Variants in CAMK2B observed in about 807,000 individuals in gnomAD.
CAMK2B encodes calcium/calmodulin-dependent protein kinase type II subunit beta.
CAMK2B carries 27 observed loss-of-function variants against 93.7 expected under a neutral mutation model. The ratio of observed to expected loss-of-function variants is 0.29; its 90% confidence interval spans 0.21 to 0.40. The LOEUF (loss-of-function observed/expected upper bound fraction) is 0.40, where lower values mean the gene tolerates loss of function less well. Ranked by LOEUF, CAMK2B falls within the 10% of genes least tolerant of loss-of-function variation. The probability of loss-of-function intolerance (pLI) is 1.00; values close to 1 mark genes in which losing one functional copy is unlikely to be tolerated. For missense variants in CAMK2B, 568 were observed against 895.8 expected, an observed-to-expected ratio of 0.63 and a Z score of 4.67; for synonymous variants, 374 against 358.8, an observed-to-expected ratio of 1.04 and a Z score of -0.48.
chr7:44,255,063 C>G (rs1335619499), intron 4 of CAMK2B, among the ~76,000 whole-genome samples: 1 of 152,050 alleles, frequency 6.6e-6, no homozygotes, highest in Non-Finnish European at 1.5e-5. Flanking sequence ...TTCCCCTCCT[C>G]AATACTCTCC....
rs528644962 is a variant in CAMK2B, at chr7:44,269,894, C to T, written c.161-6830G>A. On this transcript the variant is annotated intron_variant, in intron 2 of 23. Coordinates refer to ENST00000395749, the MANE Select transcript of CAMK2B (RefSeq NM_001220.5). The stretch of plus-strand genomic sequence containing the variant: ...GGTCTGAGGGCTGAGGGGTGGGGCT[C>T]CCTAGGTGCCATGAGTCCTGCCCAC... 2.0e-5 allele frequency among the ~76,000 whole-genome samples: 3 copies of T among 152,192 alleles called. No individual in the cohort carries two copies. The South Asian group carries it at 6.2e-4, about 32-fold the overall frequency.
chr7:44,280,892 G>A (rs1052686817), intron 2 of CAMK2B, among the ~76,000 whole-genome samples: 1 of 152,186 alleles, frequency 6.6e-6, no homozygotes, highest in Admixed American at 6.5e-5. Context: ...ACAGAGAAAC[G>A]AGGCAGGGAT....
chr7:44,272,769 G>T (rs1352175356), intron 2 of CAMK2B, among the ~76,000 whole-genome samples: 1 of 152,080 alleles, frequency 6.6e-6, no homozygotes, highest in Non-Finnish European at 1.5e-5. Context: ...GCTACACACT[G>T]GGGGGTCCAC....
intron 2 of CAMK2B, among the ~76,000 whole-genome samples, chr7:44,277,897 T>G (rs920769512): frequency 6.6e-6 from 1 of 152,150 alleles, no homozygotes; most frequent in Non-Finnish European, 1.5e-5. Flanking sequence ...AAGGCCATTT[T>G]GGGGAAGCCC....
chr7:44,253,203 T>G (rs925965382), intron 5 of CAMK2B, among the ~76,000 whole-genome samples: 9 of 150,586 alleles, frequency 6.0e-5, no homozygotes, highest in South Asian at 2.1e-4. Context: ...TAAAAAGAGT[T>G]TTTTTTTTTT....
intron 13 of CAMK2B, among the ~76,000 whole-genome samples, chr7:44,236,041 A>C (rs1396972268): frequency 1.3e-5 from 2 of 152,176 alleles, no homozygotes; most frequent in Non-Finnish European, 2.9e-5. Flanking sequence ...GCAAATTCCC[A>C]GGCCCACCCC....
chr7:44,265,075 T>C (rs2096911553), intron 2 of CAMK2B, among the ~76,000 whole-genome samples: 1 of 152,160 alleles, frequency 6.6e-6, no homozygotes, highest in Non-Finnish European at 1.5e-5. Flanking sequence ...TTTCCTAGTA[T>C]CTTTCTTAAA....
At chr7:44,260,261 C>T (rs2096868940) in intron 3 of CAMK2B, among the ~76,000 whole-genome samples, 1 of 152,202 alleles carries the variant, frequency 6.6e-6, no homozygotes, top group African/African-American at 2.4e-5. Flanking sequence ...TGCCAGTGCC[C>T]TCCCTCCTCT....
At chr7:44,317,219 T>A (rs1049065794) in intron 1 of CAMK2B, among the ~76,000 whole-genome samples, 2 of 148,480 alleles carry the variant, frequency 1.3e-5, no homozygotes, top group Non-Finnish European at 3.0e-5. Flanking sequence ...TGACTGTAAC[T>A]ATTATCCTTA....
At chr7:44,296,530 G>A (rs1257295996) in intron 1 of CAMK2B, among the ~76,000 whole-genome samples, 1 of 152,042 alleles carries the variant, frequency 6.6e-6, no homozygotes, top group Non-Finnish European at 1.5e-5. Context: ...TTGAAGTAAT[G>A]TTGACTGAGT....
chr7:44,306,229 G>A (rs949279160), intron 1 of CAMK2B, among the ~76,000 whole-genome samples: 9 of 152,118 alleles, frequency 5.9e-5, no homozygotes, highest in African/African-American at 2.2e-4. Flanking sequence ...GCTGGGCTGG[G>A]ATCCCCGTAA....
chr7:44,262,545 G>T (rs1018692826), intron 3 of CAMK2B, among the ~76,000 whole-genome samples: 2 of 152,224 alleles, frequency 1.3e-5, no homozygotes, highest in African/African-American at 2.4e-5. Flanking sequence ...GGGCCATCTT[G>T]TGGCTTTTCT....
intron 3 of CAMK2B, among the ~76,000 whole-genome samples, chr7:44,262,249 C>G (rs1013553378): frequency 6.6e-6 from 1 of 152,194 alleles, no homozygotes; most frequent in African/African-American, 2.4e-5. Flanking sequence ...TGAATCAGAG[C>G]TTTGGAGGAA....
chr7:44,270,897 T>C (rs1307101871), intron 2 of CAMK2B, among the ~76,000 whole-genome samples: 4 of 152,230 alleles, frequency 2.6e-5, no homozygotes, highest in African/African-American at 9.6e-5. Flanking sequence ...ATCACAGGCA[T>C]GAGAGAACTT....
chr7:44,306,136 A>AGAGGAGAGGGGGTGAGCACTCTTCCT (rs919909580), intron 1 of CAMK2B, among the ~76,000 whole-genome samples: 5 of 151,872 alleles, frequency 3.3e-5, no homozygotes, highest in African/African-American at 1.2e-4. Flanking sequence ...TGGGAGTGAG[A>AGAGGAGAGGGGGTGAGCACTCTTCCT]GAGGAGAGGG....
In CAMK2B at chr7:44,218,813, T is replaced by A. The variant is rs111295802; in HGVS notation, c.*712A>T. The A allele has an allele frequency of 6.6e-6, 1 of 152,394 alleles. No homozygotes were observed. The highest frequency in any genetic ancestry group is 2.4e-5 in the African/African-American group (1 of 41,564). The allele number at this position is 152,394 out of a possible 1,614,324, so 9.4% of individuals were successfully genotyped here. On this transcript the variant is annotated 3_prime_UTR_variant, in exon 24 of 24. Coordinates refer to ENST00000395749, the MANE Select transcript of CAMK2B (RefSeq NM_001220.5). ...CTTGGGGACGGGACTCCAGTTTCAA[T>A]ACTCCAGGGGGTGAGGGGCCGGCCT...
intron 1 of CAMK2B, among the ~76,000 whole-genome samples, chr7:44,310,561 G>A (rs1244064041): frequency 6.6e-6 from 1 of 152,202 alleles, no homozygotes; most frequent in Non-Finnish European, 1.5e-5. Flanking sequence ...CAGCCAAGAG[G>A]CAGGAGCAAC....
intron 3 of CAMK2B, among the ~76,000 whole-genome samples, chr7:44,262,225 C>T (rs1409737850): frequency 6.6e-6 from 1 of 152,234 alleles, no homozygotes; most frequent in East Asian, 1.9e-4. Context: ...TGCCTGGGCT[C>T]CTCCTGGCAT....
rs760737340 is a variant in CAMK2B at position 44,226,498 on chromosome 7, A to G, written c.1597+18T>C. ...CCTCCGGGCAGCCGCTGCCACGGCC[A>G]CTCAAGGTGCTACTTACATGGGGTG... On this transcript the variant is annotated intron_variant, in intron 20 of 23. Coordinates refer to ENST00000395749, the MANE Select transcript of CAMK2B (RefSeq NM_001220.5). 21 of 1,395,878 alleles carry G rather than the reference A, an allele frequency of 1.5e-5. No individual in the cohort carries two copies. Among genetic ancestry groups the G allele is most frequent in the Non-Finnish European group, 1.9e-5 (20 of 1,072,272 alleles). The allele number at this position is 1,395,878 out of a possible 1,614,324, so 86.5% of individuals were successfully genotyped here. A position where few individuals can be genotyped will look rare whatever the true frequency, so the allele number is the denominator to read the frequency against.
Sources: allele counts gnomAD v4.1 joint callset (sites outside exome capture counted in the v4.1 genomes callset), GRCh38; gene constraint gnomAD v4.1.1; transcripts MANE v1.5; gene names NCBI Gene and HGNC (gene_info 2026-07-23, HGNC 2026-07-21).